Variants in PTH1R observed in about 807,000 individuals in gnomAD.
PTH1R encodes parathyroid hormone/parathyroid hormone-related peptide receptor.
In PTH1R, 32 loss-of-function variants were observed where a neutral mutation model predicts 70.7. The ratio of observed to expected loss-of-function variants is 0.45; its 90% CI spans 0.34 to 0.61. The LOEUF is 0.61. Among genes scored for constraint, PTH1R ranks in the 20% least tolerant of loss-of-function variants. The probability of loss-of-function intolerance (pLI) is 0.01; values close to 1 mark genes in which losing one functional copy is unlikely to be tolerated. For missense variants in PTH1R, 626 were observed against 792.5 expected (o/e 0.79, Z 2.52); for synonymous variants, 329 against 324.8 (o/e 1.01, Z -0.14).
chr3:46,881,765 G>C (rs889042763), intron 2 of PTH1R, among the ~76,000 whole-genome samples: 4 of 152,024 alleles, frequency 2.6e-5, no homozygotes, highest in African/African-American at 9.7e-5. Flanking sequence ...GCCGGGCTCG[G>C]GGCTGGCAGC....
chr3:46,889,537 G>A (rs1186705981), intron 3 of PTH1R, among the ~76,000 whole-genome samples: 1 of 152,116 alleles, frequency 6.6e-6, no homozygotes, highest in Non-Finnish European at 1.5e-5. Flanking sequence ...TGTGACTCTT[G>A]GCCTCAGTGT....
rs181198249 is a variant in PTH1R at position 46,897,802 on chromosome 3, C to G, written c.314-53C>G. 4.8e-5 allele frequency: 72 copies of G among 1,490,486 alleles called. 1 individual carries two copies. In the Admixed American group the frequency reaches 9.7e-4, roughly 20 times the overall value. The allele number at this position is 1,490,486 out of a possible 1,614,324, so 92.3% of individuals were successfully genotyped here. ...GTATTCATCCTTCTGGGTCACTAAT[C>G]ATGGCCTTGACTCTCCCTTGGTATC... On this transcript the variant is annotated intron_variant, in intron 5 of 15. Coordinates refer to ENST00000449590, the MANE Select transcript of PTH1R (RefSeq NM_000316.3).
At position 46,901,511 on chromosome 3, in the gene PTH1R, G is replaced by T; in HGVS notation, c.1116+31G>T. 6.4e-7 allele frequency: 1 copy of T among 1,553,910 alleles called. No individual in the cohort carries two copies. Among genetic ancestry groups the T allele is most frequent in the Non-Finnish European group, 8.7e-7 (1 of 1,147,806 alleles). On this transcript the variant is annotated intron_variant, in intron 12 of 15. Coordinates refer to ENST00000449590, the MANE Select transcript of PTH1R (RefSeq NM_000316.3). The surrounding 1 kb of genome is among the most constrained non-coding windows in gnomAD (Gnocchi z 7.3). ...CAGGGGTGGGCTGCTGGCCACAGGG[G>T]TGGGTGGGATGTGCGCCTGCGTCCC... is the stretch of plus-strand genomic sequence containing the variant.
intron 3 of PTH1R, among the ~76,000 whole-genome samples, chr3:46,886,654 G>A (rs956747992): frequency 6.6e-6 from 1 of 152,202 alleles, no homozygotes. Flanking sequence ...ACCACGCCCG[G>A]CCGGTTGCTT....
rs200410967 is a variant in PTH1R at position 46,901,860 on chromosome 3, G to A, written c.1211G>A (p.Arg404Gln). 1.9e-5 allele frequency: 31 copies of A among 1,612,956 alleles called. No homozygotes were observed. The highest frequency in any genetic ancestry group is 9.9e-5 in the South Asian group (9 of 91,076). Residue 404 changes from arginine to glutamine, a missense_variant and splice_region_variant, in exon 13 of 16, where the codon CGG becomes CAG. Physicochemically the swap from Arg to Gln is conservative, Grantham distance 43. Coordinates refer to ENST00000449590, the MANE Select transcript of PTH1R (RefSeq NM_000316.3). This position sits in a 1 kb window ranked among gnomAD's most constrained non-coding sequence, Gnocchi z 7.3. ...AGRCDTRQQY[R>Q]KLLKSTLVLM... is the part of the protein sequence containing the mutation. Reference sequence around the variant, plus strand: ...CGGTGTGACACACGGCAGCAGTACCGGTGAGCCCACCATGCCTGCCATGCC... The same window carrying A: ...CGGTGTGACACACGGCAGCAGTACCAGTGAGCCCACCATGCCTGCCATGCC...
chr3:46,898,590 A>T, intron 8 of PTH1R, 72 bp from the exon 9 acceptor site: 1 of 1,602,882 alleles, frequency 6.2e-7, no homozygotes, highest in Non-Finnish European at 8.5e-7. Context: ...CCTACGGCGC[A>T]CAACCCAGCT....
chr3:46,901,339 C>T lies in PTH1R; in HGVS notation c.1050-75C>T. On this transcript the variant is annotated intron_variant, in intron 11 of 15. Transcript: ENST00000449590. The surrounding 1 kb of genome is among the most constrained non-coding windows in gnomAD (Gnocchi z 7.3). ...CCTCAACAGCTAATGTCAGACCAGA[C>T]CAAATCTGGGTCTCTGTGGGCAGTC... 1 of 1,529,670 alleles carries T rather than the reference C, an allele frequency of 6.5e-7. No individual in the cohort carries two copies. Among genetic ancestry groups the T allele is most frequent in the Non-Finnish European group, 8.9e-7 (1 of 1,128,386 alleles). The allele number at this position is 1,529,670 out of a possible 1,614,324, so 94.8% of individuals were successfully genotyped here.
chr3:46,891,738 A>G lies in PTH1R; in HGVS notation c.76-2169A>G, dbSNP rs2031424082. Among the ~76,000 whole-genome samples the G allele has an allele frequency of 6.6e-6, 1 of 151,640 alleles. No individual in the cohort carries two copies. The highest frequency in any genetic ancestry group is 2.4e-5 in the African/African-American group (1 of 41,326). On this transcript the variant is annotated intron_variant, in intron 3 of 15. Coordinates refer to ENST00000449590, the MANE Select transcript of PTH1R (RefSeq NM_000316.3). This position sits in a 1 kb window ranked among gnomAD's most constrained non-coding sequence, Gnocchi z 4.3. The stretch of plus-strand genomic sequence containing the variant: ...GTGGTGCTGGTGCTGGTGATGTACC[A>G]GTTGTGATGGTGCAGATGGTGGTGA...
Position 46,901,890 on chromosome 3 carries a change from C to G in PTH1R, c.1211+30C>G. 1 of 1,580,506 alleles carries G rather than the reference C, an allele frequency of 6.3e-7. No individual in the cohort carries two copies. The highest frequency in any genetic ancestry group is 8.7e-7 in the Non-Finnish European group (1 of 1,149,816). On this transcript the variant is annotated intron_variant, in intron 13 of 15. Coordinates refer to ENST00000449590, the MANE Select transcript of PTH1R (RefSeq NM_000316.3). The surrounding 1 kb of genome is among the most constrained non-coding windows in gnomAD (Gnocchi z 7.3). Reference sequence around the variant, plus strand: ...GCCCACCATGCCTGCCATGCCCTGGCTCCTCAGGGGTCCCTGAGTCCTGGT... The same window carrying G: ...GCCCACCATGCCTGCCATGCCCTGGGTCCTCAGGGGTCCCTGAGTCCTGGT...
In PTH1R at chr3:46,898,794, C is replaced by A. The variant is rs201016660; in HGVS notation, c.771C>A (p.Thr257=). ...GATLDEAERL[T]EEELRAIAQA... ...CGCTTGATGAGGCTGAGCGCCTCAC[C>A]GAGGAGGAGCTGCGCGCCATCGCCC... is the stretch of plus-strand genomic sequence containing the variant. The change falls in exon 9 of 16, where the codon ACC becomes ACA. Residue 257 remains threonine (T), a synonymous_variant. Transcript: ENST00000449590. 2.3e-4 allele frequency: 367 copies of A among 1,596,054 alleles called. 2 individuals carry two copies. In the South Asian group the frequency reaches 3.8e-3, roughly 17 times the overall value.
At chr3:46,890,498 T>C (rs1298088936) in intron 3 of PTH1R, among the ~76,000 whole-genome samples, 5 of 44,294 alleles carry the variant, frequency 1.1e-4, no homozygotes, top group Non-Finnish European at 4.0e-4. Context: ...CACAGCAGCT[T>C]TTTTTTTTTT....
rs972985965 is a variant in PTH1R at position 46,879,749 on chromosome 3, G to GA, written c.-105-1303dup. ...GTGACACAGCAAGACCCTGTCTGGG[G>GA]AAAAAAAAAATGCTGCGTGTGGTGG... On this transcript the variant is annotated intron_variant, in intron 1 of 15. Transcript: ENST00000449590. This position sits in a 1 kb window ranked among gnomAD's most constrained non-coding sequence, Gnocchi z 4.7. 7.6e-5 allele frequency among the ~76,000 whole-genome samples: 11 copies of GA among 144,796 alleles called. No individual in the cohort carries two copies. The highest frequency in any genetic ancestry group is 2.2e-4 in the South Asian group (1 of 4,554). The allele number at this position is 144,796 out of a possible 152,430, so 95.0% of individuals were successfully genotyped here. A position where few individuals can be genotyped will look rare whatever the true frequency, so the allele number is the denominator to read the frequency against.
chr3:46,880,740 A>G (rs2030500573), intron 1 of PTH1R, among the ~76,000 whole-genome samples: 1 of 149,238 alleles, frequency 6.7e-6, no homozygotes, highest in South Asian at 2.1e-4. Flanking sequence ...GAAGAAGAAG[A>G]AGGAGAAGGA....
In PTH1R at chr3:46,903,779, A is replaced by G; in HGVS notation, c.*123A>G. 2 of 1,499,334 alleles carry G rather than the reference A, an allele frequency of 1.3e-6. No homozygotes were observed. The highest frequency in any genetic ancestry group is 2.3e-5 in the East Asian group (1 of 43,960). The allele number at this position is 1,499,334 out of a possible 1,614,324, so 92.9% of individuals were successfully genotyped here. On this transcript the variant is annotated 3_prime_UTR_variant, in exon 16 of 16. Coordinates refer to ENST00000449590, the MANE Select transcript of PTH1R (RefSeq NM_000316.3). The surrounding 1 kb of genome is among the most constrained non-coding windows in gnomAD (Gnocchi z 4.4). ...GGAAAAACAGGGAAAAAAAGAAAAAAAAAAGAAAAAGGAAAAGGAAGCGGT... is the reference window on the plus strand; with the variant it reads ...GGAAAAACAGGGAAAAAAAGAAAAAGAAAAGAAAAAGGAAAAGGAAGCGGT...
rs542474665 is a variant in PTH1R, at chr3:46,892,402, C to T, written c.76-1505C>T. ...CCCATACTGACAGGCTGGACAGTCT[C>T]CATGTGAGAACGCGCACGGACGGGC... On this transcript the variant is annotated intron_variant, in intron 3 of 15. Coordinates refer to ENST00000449590, the MANE Select transcript of PTH1R (RefSeq NM_000316.3). The surrounding 1 kb of genome is among the most constrained non-coding windows in gnomAD (Gnocchi z 5.2). Among the ~76,000 whole-genome samples the T allele has an allele frequency of 4.1e-4, 63 of 152,366 alleles. No homozygotes were observed. Among genetic ancestry groups the T allele is most frequent in the African/African-American group, 1.4e-3 (59 of 41,588 alleles).
At position 46,901,770 on chromosome 3, in the gene PTH1R, A is replaced by G. The variant is rs2032139174; in HGVS notation, c.1121A>G (p.Asn374Ser). 1 of 1,613,632 alleles carries G rather than the reference A, an allele frequency of 6.2e-7. No homozygotes were observed. Among genetic ancestry groups the G allele is most frequent in the East Asian group, 2.2e-5 (1 of 44,876 alleles). The change falls in exon 13 of 16, where the codon AAC becomes AGC. Residue 374 changes from asparagine to serine, a missense_variant. Asn to Ser is a conservative substitution (Grantham distance 46). Coordinates refer to ENST00000449590, the MANE Select transcript of PTH1R (RefSeq NM_000316.3). This position sits in a 1 kb window ranked among gnomAD's most constrained non-coding sequence, Gnocchi z 7.3. Reference protein sequence around the residue: ...QVPILASIVLNFILFINIVRV... With the variant: ...QVPILASIVLSFILFINIVRV... ...GCAGCCCCCTCACTCCCACAGCTCA[A>G]CTTCATCCTCTTCATCAATATCGTC...
Position 46,888,554 on chromosome 3 carries a change from C to G in PTH1R, c.75+4920C>G, listed in dbSNP as rs1483311515. Among the ~76,000 whole-genome samples the G allele has an allele frequency of 2.0e-5, 3 of 152,156 alleles. No individual in the cohort carries two copies. In the East Asian group the frequency reaches 5.8e-4, roughly 29 times the overall value. On this transcript the variant is annotated intron_variant, in intron 3 of 15. Coordinates refer to ENST00000449590, the MANE Select transcript of PTH1R (RefSeq NM_000316.3). ...AAAGGTGGGGCGAGGGTTTTGCAGA[C>G]CTCTGAAATTGTCTGCAAAATACGG...
chr3:46,898,867 C>G lies in PTH1R; in HGVS notation c.834+10C>G, dbSNP rs972474666. 1.2e-5 allele frequency: 18 copies of G among 1,507,176 alleles called. 1 individual carries two copies. The Admixed American group carries it at 3.0e-4, about 25-fold the overall frequency. 93.4% of individuals were successfully genotyped at this position (1,507,176 alleles called of 1,614,324 possible). ...CGCCGCTGCCGGCTACGTGAGTACC[C>G]CTCTGCCCGCCCGCTCCCGGTGCCG... On this transcript the variant is annotated intron_variant, in intron 9 of 15. Transcript: ENST00000449590.
At position 46,902,568 on chromosome 3, in the gene PTH1R, C is replaced by T. The variant is rs750736467; in HGVS notation, c.1254C>T (p.Gly418=). 22 of 1,613,256 alleles carry T rather than the reference C, an allele frequency of 1.4e-5. No homozygotes were observed. Among genetic ancestry groups the T allele is most frequent in the Admixed American group, 1.2e-4 (7 of 59,972 alleles). ...CGCTGGTGCTCATGCCCCTCTTTGG[C>T]GTCCACTACATTGTCTTCATGGCCA... is the stretch of plus-strand genomic sequence containing the variant. ...KSTLVLMPLF[G]VHYIVFMATP... is the part of the protein sequence containing the mutation. The change falls in exon 14 of 16, where the codon GGC becomes GGT. Residue 418 remains glycine (G), a synonymous_variant. Coordinates refer to ENST00000449590, the MANE Select transcript of PTH1R (RefSeq NM_000316.3). The surrounding 1 kb of genome is among the most constrained non-coding windows in gnomAD (Gnocchi z 5.4).
Sources: gnomAD v4.1 joint callset for allele counts (sites outside exome capture counted in the v4.1 genomes callset) on GRCh38, gnomAD v4.1.1 for gene constraint, Gnocchi (gnomAD v3.1) non-coding constraint, MANE v1.5 for transcripts, NCBI Gene and HGNC (gene_info 2026-07-23, HGNC 2026-07-21) for gene names.